The following PIWIL4 variants were observed in gnomAD, a reference collection of about 807,000 sequenced individuals.
PIWIL4 encodes the protein piwi like RNA-mediated gene silencing 4.
In PIWIL4, 50 loss-of-function variants were observed where a neutral mutation model predicts 100.9. The ratio of observed to expected loss-of-function variants is 0.50; its 90% CI spans 0.39 to 0.63. The LOEUF (loss-of-function observed/expected upper bound fraction) is 0.63, where lower values mean the gene tolerates loss of function less well. Among genes scored for constraint, PIWIL4 ranks in the 20% least tolerant of loss-of-function variants. The pLI, the probability that PIWIL4 is intolerant of heterozygous loss-of-function variation, is 0.00. For missense variants in PIWIL4, 887 were observed against 1,043.3 expected (o/e 0.85, Z 2.06); for synonymous variants, 342 against 367.5 (o/e 0.93, Z 0.79).
At chr11:94,587,720 G>A (rs1948421867) in intron 7 of PIWIL4, among the ~76,000 whole-genome samples, 1 of 152,194 alleles carries the variant, frequency 6.6e-6, no homozygotes, top group African/African-American at 2.4e-5. Context: ...CCTTGTTGTG[G>A]CCATCTTATT....
rs756153521 is a variant in PIWIL4 at position 94,619,988 on chromosome 11, C to T, written c.2295-9C>T. ...TTCTTTCCTACATTCATTCCATTTTCCCCCTCAGGTATGACTTTTATCTGA... is the reference window on the plus strand; with the variant it reads ...TTCTTTCCTACATTCATTCCATTTTTCCCCTCAGGTATGACTTTTATCTGA... On this transcript the variant is annotated splice_polypyrimidine_tract_variant and intron_variant, in intron 18 of 19. Coordinates refer to ENST00000299001, the MANE Select transcript of PIWIL4 (RefSeq NM_152431.3). The T allele has an allele frequency of 1.2e-6, 2 of 1,614,112 alleles. No homozygotes were observed. Among genetic ancestry groups the T allele is most frequent in the South Asian group, 2.2e-5 (2 of 91,074 alleles).
intron 11 of PIWIL4, among the ~76,000 whole-genome samples, chr11:94,600,864 A>G (rs1948627850): frequency 6.6e-6 from 1 of 151,708 alleles, no homozygotes; most frequent in South Asian, 2.1e-4. Flanking sequence ...TATTTCTCCT[A>G]TTTGCTTTTG....
At chr11:94,573,439 T>C (rs1301884819) in intron 2 of PIWIL4, among the ~76,000 whole-genome samples, 1 of 152,214 alleles carries the variant, frequency 6.6e-6, no homozygotes, top group Non-Finnish European at 1.5e-5. Flanking sequence ...CATAGATAGC[T>C]CTTATTATTT....
chr11:94,597,858 G>C lies in PIWIL4; in HGVS notation c.1323G>C (p.Gln441His). The C allele has an allele frequency of 1.2e-6, 2 of 1,614,090 alleles. No homozygotes were observed. Among genetic ancestry groups the C allele is most frequent in the Non-Finnish European group, 1.7e-6 (2 of 1,179,964 alleles). The change falls in exon 11 of 20, where the codon CAG (glutamine) becomes CAC (histidine). Residue 441 changes from glutamine to histidine, a missense_variant. By Grantham distance (24) the Gln-to-His change is conservative (BLOSUM62 0). This residue lies in a region of PIWIL4 where 741 missense variants were observed against 930.0 expected (regional missense o/e 0.80). Transcript: ENST00000299001. The part of the protein sequence containing the change: ...LETWGLHFGS[Q>H]ISLTGRIVPS... ...CCTGGGGACTGCATTTTGGAAGCCA[G>C]ATATCTCTGACTGGCCGGATTGTGC...
intron 2 of PIWIL4, among the ~76,000 whole-genome samples, chr11:94,573,228 C>T (rs1948184480): frequency 6.6e-6 from 1 of 152,182 alleles, no homozygotes; most frequent in South Asian, 2.1e-4. Context: ...GTCATGTCAT[C>T]TGCAAACGGA....
chr11:94,576,315 A>G (rs1049850491), intron 3 of PIWIL4, among the ~76,000 whole-genome samples: 1 of 151,986 alleles, frequency 6.6e-6, no homozygotes, highest in Admixed American at 6.6e-5. Context: ...TTTATTTTTT[A>G]TAGAGACAGG....
rs920119982 is a variant in PIWIL4, at chr11:94,567,676, C to T, written c.87+71C>T. 5.6e-6 allele frequency: 8 copies of T among 1,440,570 alleles called. 1 individual carries two copies. The East Asian group carries it at 1.5e-4, about 27-fold the overall frequency. The allele number at this position is 1,440,570 out of a possible 1,614,324, so 89.2% of individuals were successfully genotyped here. ...TGTCTCTAGCCTGAACAATGCCTTC[C>T]TCTGCATGTATCTCCTCCTCTCTGT... On this transcript the variant is annotated intron_variant, in intron 1 of 19. Transcript: ENST00000299001.
chr11:94,608,642 G>A lies in PIWIL4; in HGVS notation c.1899G>A (p.Val633=), dbSNP rs773701114. The A allele has an allele frequency of 3.1e-6, 5 of 1,614,184 alleles. 1 individual carries two copies. The South Asian group carries it at 5.5e-5, about 18-fold the overall frequency. The change falls in exon 15 of 20, where the codon GTG becomes GTA. Residue 633 remains valine, a synonymous_variant. Coordinates refer to ENST00000299001, the MANE Select transcript of PIWIL4 (RefSeq NM_152431.3). Reference sequence around the variant, plus strand: ...GTAAAGATGCACTCAGCAAGGACGTGATGGTTGTTGGATGCGTGGCCAGTG... The same window carrying A: ...GTAAAGATGCACTCAGCAAGGACGTAATGGTTGTTGGATGCGTGGCCAGTG... ...DVCKDALSKD[V]MVVGCVASVN...
intron 2 of PIWIL4, among the ~76,000 whole-genome samples, chr11:94,570,766 C>T (rs192306583): frequency 1.3e-5 from 2 of 152,246 alleles, no homozygotes; most frequent in Non-Finnish European, 2.9e-5. Context: ...GCGGTGCACA[C>T]CTGTAATCCC....
At position 94,577,266 on chromosome 11, in the gene PIWIL4, T is replaced by G. The variant is rs774394507; in HGVS notation, c.299-12T>G. ...CCTGATTAAAAAATTGTTTTTTGTT[T>G]GTCTTCTTCAGGTTCCAGTGGAATA... On this transcript the variant is annotated splice_polypyrimidine_tract_variant and intron_variant, in intron 3 of 19. Coordinates refer to ENST00000299001, the MANE Select transcript of PIWIL4 (RefSeq NM_152431.3). 3 of 1,596,338 alleles carry G rather than the reference T, an allele frequency of 1.9e-6. No individual in the cohort carries two copies. The highest frequency in any genetic ancestry group is 1.7e-6 in the Non-Finnish European group (2 of 1,169,286).
At chr11:94,582,765 A>C (rs1948339723) in intron 4 of PIWIL4, among the ~76,000 whole-genome samples, 1 of 152,214 alleles carries the variant, frequency 6.6e-6, no homozygotes, top group Non-Finnish European at 1.5e-5. Flanking sequence ...TAGACCTTTC[A>C]GCAATTTATA....
At chr11:94,571,895 C>T (rs1948159485) in intron 2 of PIWIL4, among the ~76,000 whole-genome samples, 1 of 152,210 alleles carries the variant, frequency 6.6e-6, no homozygotes, top group Non-Finnish European at 1.5e-5. Context: ...AGTGTACAGT[C>T]CCACCAACAG....
intron 13 of PIWIL4, among the ~76,000 whole-genome samples, chr11:94,605,633 T>A (rs765560718): frequency 5.9e-5 from 9 of 152,220 alleles, no homozygotes; most frequent in Non-Finnish European, 1.2e-4. Context: ...TTATAATTCT[T>A]GCCTGAATCC....
chr11:94,575,904 G>A (rs1226151104), intron 3 of PIWIL4, among the ~76,000 whole-genome samples: 3 of 152,114 alleles, frequency 2.0e-5, no homozygotes, highest in African/African-American at 7.2e-5. Flanking sequence ...ATTTATATGA[G>A]CAGCTAAAAT....
chr11:94,604,159 A>G (rs141345756), intron 13 of PIWIL4, 103 bp downstream of exon 13: 38 of 600,078 alleles, frequency 6.3e-5, no homozygotes, highest in African/African-American at 6.1e-4. Context: ...GCAAATTGCC[A>G]TGCATTTCTC....
intron 11 of PIWIL4, among the ~76,000 whole-genome samples, chr11:94,600,598 G>A (rs1015206095): frequency 2.0e-5 from 3 of 152,094 alleles, no homozygotes; most frequent in East Asian, 1.9e-4. Context: ...ATAAAGTTTC[G>A]GGCACCGTTG....
intron 1 of PIWIL4, chr11:94,567,816 C>G: frequency 8.5e-7 from 1 of 1,182,516 alleles, no homozygotes; most frequent in Non-Finnish European, 1.0e-6. Flanking sequence ...GGTATATTAG[C>G]CAGTAAAGAG....
rs778385844 is a variant in PIWIL4 at position 94,575,026 on chromosome 11, C to T, written c.194C>T (p.Ala65Val). The T allele has an allele frequency of 1.3e-5, 21 of 1,612,818 alleles. No individual in the cohort carries two copies. The highest frequency in any genetic ancestry group is 1.8e-5 in the Non-Finnish European group (21 of 1,178,932). ...NDKYGISSGD[A>V]GSTFMERGVK... is the part of the protein sequence containing the mutation. Reference sequence around the variant, plus strand: ...AAATATGGGATATCTTCTGGTGATGCTGGAAGTACCTTCATGGAAAGAGGT... The same window carrying T: ...AAATATGGGATATCTTCTGGTGATGTTGGAAGTACCTTCATGGAAAGAGGT... Residue 65 changes from alanine (A) to valine (V), a missense_variant, in exon 3 of 20, where the codon GCT (alanine) becomes GTT (valine). This residue lies in a region of PIWIL4 where 146 missense variants were observed against 113.4 expected (regional missense o/e 1.29). Transcript: ENST00000299001.
At chr11:94,610,153 T>G (rs7111997) in intron 15 of PIWIL4, among the ~76,000 whole-genome samples, 8,947 of 152,130 alleles carry the variant, frequency 0.059, 587 homozygotes, top group East Asian at 0.19. Flanking sequence ...CTTATTTTAC[T>G]TAATATAATG....
Sources: gnomAD v4.1 joint callset for allele counts (sites outside exome capture counted in the v4.1 genomes callset) on GRCh38, gnomAD v4.1.1 for gene constraint, gnomAD v4.1.1 regional missense constraint, MANE v1.5 for transcripts, NCBI Gene and HGNC (gene_info 2026-07-23, HGNC 2026-07-21) for gene names.